The following STXBP3 variants were observed in gnomAD, a reference collection of about 807,000 sequenced individuals.
The protein encoded by STXBP3 is syntaxin-binding protein 3.
In STXBP3, 41 loss-of-function variants were observed where a neutral mutation model predicts 85.7. That is an observed-to-expected ratio of 0.48 (90% CI 0.37 to 0.62). The LOEUF (loss-of-function observed/expected upper bound fraction) is 0.62, where lower values mean the gene tolerates loss of function less well. Among genes scored for constraint, STXBP3 ranks in the 20% least tolerant of loss-of-function variants. The pLI, the probability that STXBP3 is intolerant of heterozygous loss-of-function variation, is 0.00. For missense variants in STXBP3, 563 were observed against 703.1 expected (o/e 0.80, Z 2.25); for synonymous variants, 229 against 231.7 (o/e 0.99, Z 0.10).
chr1:108,782,155 A>G (rs1440546518), intron 9 of STXBP3: 6 of 320,934 alleles, frequency 1.9e-5, no homozygotes, highest in African/African-American at 1.3e-4. Flanking sequence ...AATTTTTTTT[A>G]TAAAGTACAA....
At chr1:108,751,643 G>C (rs1661909358) in intron 1 of STXBP3, among the ~76,000 whole-genome samples, 1 of 152,014 alleles carries the variant, frequency 6.6e-6, no homozygotes, top group African/African-American at 2.4e-5. Context: ...AAGTAGAACA[G>C]ATATTTGTAT....
At chr1:108,760,414 T>G (rs1016040044) in intron 6 of STXBP3, among the ~76,000 whole-genome samples, 3 of 152,108 alleles carry the variant, frequency 2.0e-5, no homozygotes, top group Admixed American at 6.6e-5. Context: ...TGTAACCTTT[T>G]GTGATATTAA....
chr1:108,775,606 G>T (rs7517648), intron 7 of STXBP3, among the ~76,000 whole-genome samples: 5,584 of 151,968 alleles, frequency 0.037, 151 homozygotes, highest in Middle Eastern at 0.075. Context: ...TCTACTTTCT[G>T]CATGAGAATT....
chr1:108,747,061 G>C (rs1661802085), intron 1 of STXBP3, among the ~76,000 whole-genome samples: 2 of 150,982 alleles, frequency 1.3e-5, no homozygotes, highest in Non-Finnish European at 2.9e-5. Flanking sequence ...CGCCCCGGGT[G>C]AGCCGCCCGG....
chr1:108,755,538 A>T (rs1268054826), intron 3 of STXBP3, among the ~76,000 whole-genome samples: 1 of 151,618 alleles, frequency 6.6e-6, no homozygotes, highest in Non-Finnish European at 1.5e-5. Flanking sequence ...TAGTTGTTTG[A>T]TAGATGTGTA....
intron 6 of STXBP3, among the ~76,000 whole-genome samples, chr1:108,768,389 T>A (rs2101112618): frequency 6.6e-6 from 1 of 152,240 alleles, no homozygotes; most frequent in East Asian, 1.9e-4. Context: ...AATGAGCCAC[T>A]GCACCAGCAT....
Position 108,760,001 on chromosome 1 carries a change from CT to C in STXBP3, c.357del (p.Phe119LeufsTer12). The stretch of plus-strand genomic sequence containing the variant: ...TCCCCTCAGTTTGCCCTGATAATCT[CT>C]TTAACAAAATTAAGGCTTCTTGCTC... ...YFTDFCPDNLFNKIKASCSKS... is the reference protein window; with the variant it reads ...YFTDFCPDNLXNKIKASCSKS... On this transcript the variant is annotated frameshift_variant, in exon 6 of 19. Transcript: ENST00000370008. LOFTEE classifies it high-confidence loss of function. The C allele has an allele frequency of 1.3e-6, 2 of 1,569,934 alleles. No homozygotes were observed. Among genetic ancestry groups the C allele is most frequent in the Non-Finnish European group, 1.7e-6 (2 of 1,163,266 alleles).
At position 108,782,516 on chromosome 1, in the gene STXBP3, G is replaced by A. The variant is rs762055778; in HGVS notation, c.904G>A (p.Glu302Lys). The A allele has an allele frequency of 6.2e-7, 1 of 1,612,742 alleles. No homozygotes were observed. The highest frequency in any genetic ancestry group is 1.7e-5 in the Admixed American group (1 of 59,796). ...IRHRHIAVVL[E>K]EIPKLMKEIS... ...ACATCGACATATTGCGGTTGTGTTAGAGTATGTGAACTCATTTTAATTTTT... is the reference window on the plus strand; with the variant it reads ...ACATCGACATATTGCGGTTGTGTTAAAGTATGTGAACTCATTTTAATTTTT... Residue 302 changes from glutamate to lysine, a missense_variant and splice_region_variant, in exon 10 of 19, where the codon GAG (glutamate) becomes AAG (lysine). Glu to Lys is a moderately conservative substitution (Grantham distance 56). Coordinates refer to ENST00000370008, the MANE Select transcript of STXBP3 (RefSeq NM_007269.4).
intron 13 of STXBP3, 48 bp from the exon 14 acceptor site, chr1:108,796,186 A>C (rs1328686941): frequency 1.3e-6 from 2 of 1,587,200 alleles, no homozygotes; most frequent in Non-Finnish European, 1.7e-6. Context: ...TTTAACTAAA[A>C]AATGAATTTT....
intron 7 of STXBP3, among the ~76,000 whole-genome samples, chr1:108,775,560 C>A (rs1029487961): frequency 1.3e-5 from 2 of 151,914 alleles, no homozygotes; most frequent in African/African-American, 4.8e-5. Context: ...AGTCACCCAC[C>A]ACTCCTGCCC....
intron 16 of STXBP3, 69 bp from the exon 17 acceptor site, chr1:108,800,151 G>C (rs1057459476): frequency 1.8e-6 from 2 of 1,094,868 alleles, no homozygotes; most frequent in Non-Finnish European, 2.8e-6. Flanking sequence ...TGCAAGTTTT[G>C]ACCTTTATGC....
intron 7 of STXBP3, among the ~76,000 whole-genome samples, chr1:108,774,974 TCTAC>T (rs71591107): frequency 0.2 from 30,556 of 151,904 alleles, 4,410 homozygotes; most frequent in East Asian, 0.66. Context: ...CTTTTAAAAT[TCTAC>T]CTGTTTCCAC....
intron 17 of STXBP3, among the ~76,000 whole-genome samples, chr1:108,804,268 G>T (rs994447215): frequency 5.9e-5 from 9 of 151,766 alleles, no homozygotes; most frequent in Admixed American, 3.3e-4. Flanking sequence ...CAGTTCTTTA[G>T]GTCTCTCTTA....
intron 1 of STXBP3, among the ~76,000 whole-genome samples, chr1:108,749,330 G>GAGA (rs1661857462): frequency 6.6e-6 from 1 of 152,272 alleles, no homozygotes; most frequent in East Asian, 1.9e-4. Flanking sequence ...GTAGCTGCTT[G>GAGA]TATCTGTATT....
rs374868665 is a variant in STXBP3, at chr1:108,798,177, G to A, written c.1389G>A (p.Arg463=). The change falls in exon 16 of 19, where the codon CGG becomes CGA. Residue 463 remains arginine (R), a synonymous_variant. Transcript: ENST00000370008. ...AAGGCAAACCGTTAAGAAAGGATCG[G>A]TCTGCAGAAGAAACTTTTCAGCTCT... ...SQQGKPLRKD[R]SAEETFQLSR... 2.2e-5 allele frequency: 35 copies of A among 1,610,924 alleles called. No homozygotes were observed. The highest frequency in any genetic ancestry group is 3.0e-5 in the Non-Finnish European group (35 of 1,179,168).
intron 3 of STXBP3, among the ~76,000 whole-genome samples, chr1:108,753,533 A>C (rs1364133563): frequency 6.6e-6 from 1 of 152,156 alleles, no homozygotes; most frequent in Non-Finnish European, 1.5e-5. Context: ...CAGCTGTTGT[A>C]CATGTTTACA....
chr1:108,752,972 A>G, intron 2 of STXBP3, 91 bp from the exon 3 acceptor site: 2 of 929,072 alleles, frequency 2.2e-6, no homozygotes, highest in Non-Finnish European at 3.1e-6. Context: ...TTGTGTTATA[A>G]AAGGCTTATA....
chr1:108,803,174 A>C (rs1445026397), intron 17 of STXBP3, among the ~76,000 whole-genome samples: 1 of 152,140 alleles, frequency 6.6e-6, no homozygotes, highest in African/African-American at 2.4e-5. Context: ...TTCTTGTAGC[A>C]GTTTATTACT....
At chr1:108,792,558 A>G (rs1662998957) in intron 11 of STXBP3, among the ~76,000 whole-genome samples, 1 of 152,218 alleles carries the variant, frequency 6.6e-6, no homozygotes, top group South Asian at 2.1e-4. Flanking sequence ...TACAAAATAT[A>G]TGTTAACTAT....
Sources: allele counts gnomAD v4.1 joint callset (sites outside exome capture counted in the v4.1 genomes callset), GRCh38; gene constraint gnomAD v4.1.1; transcripts MANE v1.5; gene names NCBI Gene and HGNC (gene_info 2026-07-23, HGNC 2026-07-21).